The following HECW1 variants were observed in gnomAD, a reference collection of about 807,000 sequenced individuals.
HECW1 encodes HECT, C2 and WW domain containing E3 ubiquitin protein ligase 1.
HECW1 carries 61 observed loss-of-function variants against 182.3 expected under a neutral mutation model. That is an observed-to-expected ratio of 0.33 (90% CI 0.27 to 0.41). The LOEUF (loss-of-function observed/expected upper bound fraction) is 0.41, where lower values mean the gene tolerates loss of function less well. Ranked by LOEUF, HECW1 falls within the 10% of genes least tolerant of loss-of-function variation. The pLI is 1.00. For missense variants in HECW1, 1,739 were observed against 2,108.9 expected, an observed-to-expected ratio of 0.82 and a Z score of 3.44; for synonymous variants, 859 against 832.6, an observed-to-expected ratio of 1.03 and a Z score of -0.55.
At chr7:43,381,491 T>G (rs2074547390) in intron 6 of HECW1, among the ~76,000 whole-genome samples, 1 of 133,878 alleles carries the variant, frequency 7.5e-6, no homozygotes, top group African/African-American at 3.7e-5. Flanking sequence ...ATGGCTAATT[T>G]TTTTTTTTTT....
At chr7:43,242,807 T>C (rs1294284107) in intron 2 of HECW1, among the ~76,000 whole-genome samples, 2 of 152,156 alleles carry the variant, frequency 1.3e-5, no homozygotes, top group East Asian at 3.9e-4. Context: ...AGCCAGTGGC[T>C]GTGGCAGGGA....
intron 2 of HECW1, among the ~76,000 whole-genome samples, chr7:43,161,179 C>T (rs1379427410): frequency 6.6e-6 from 1 of 152,012 alleles, no homozygotes; most frequent in Non-Finnish European, 1.5e-5. Context: ...ATTAGTGTCA[C>T]TTTTTCAAGA....
chr7:43,228,810 T>G (rs976019752), intron 2 of HECW1, among the ~76,000 whole-genome samples: 2 of 152,222 alleles, frequency 1.3e-5, no homozygotes, highest in Non-Finnish European at 2.9e-5. Context: ...CCATTAAAAT[T>G]TATGAAACTA....
At chr7:43,556,951 C>T (rs960687908) in intron 29 of HECW1, among the ~76,000 whole-genome samples, 6 of 152,012 alleles carry the variant, frequency 3.9e-5, no homozygotes, top group South Asian at 4.2e-4. Context: ...CACAAGCCCC[C>T]GAGATGGTTT....
At chr7:43,334,286 A>G (rs1811852849) in intron 5 of HECW1, among the ~76,000 whole-genome samples, 1 of 152,210 alleles carries the variant, frequency 6.6e-6, no homozygotes, top group Admixed American at 6.5e-5. Context: ...CTGCAAGGCC[A>G]TTGTCAAATG....
chr7:43,429,185 G>C (rs2076452428), intron 8 of HECW1, among the ~76,000 whole-genome samples: 1 of 149,116 alleles, frequency 6.7e-6, no homozygotes, highest in East Asian at 2.0e-4. Context: ...TGTGGCTGAG[G>C]ATTCTCATAT....
chr7:43,465,083 C>G (rs11971577), intron 14 of HECW1, among the ~76,000 whole-genome samples: 1,639 of 152,180 alleles, frequency 0.011, 32 homozygotes, highest in African/African-American at 0.038. Context: ...ATTACAGGCA[C>G]GAGACATCAC....
At chr7:43,383,312 T>C (rs1413059041) in intron 6 of HECW1, among the ~76,000 whole-genome samples, 3 of 152,240 alleles carry the variant, frequency 2.0e-5, no homozygotes, top group African/African-American at 2.4e-5. Context: ...ATGGGATTGC[T>C]GAGTCAAATG....
intron 5 of HECW1, among the ~76,000 whole-genome samples, chr7:43,343,442 G>A (rs1032180731): frequency 3.3e-5 from 5 of 151,010 alleles, no homozygotes; most frequent in Admixed American, 6.6e-5. Context: ...TATGACAGAC[G>A]TGTGTGATAT....
intron 29 of HECW1, among the ~76,000 whole-genome samples, chr7:43,559,917 G>A (rs901439073): frequency 5.9e-5 from 9 of 152,180 alleles, no homozygotes. Flanking sequence ...TGAGTGTTCA[G>A]ACTAGGTGCT....
chr7:43,311,554 C>CTT (rs1436844016), intron 3 of HECW1: 1 of 748,230 alleles, frequency 1.3e-6, no homozygotes. Flanking sequence ...CCCTGGTGCA[C>CTT]TTGTGTTTTT....
intron 2 of HECW1, among the ~76,000 whole-genome samples, chr7:43,141,527 T>G (rs1193337874): frequency 2.6e-5 from 4 of 152,164 alleles, no homozygotes; most frequent in Admixed American, 2.6e-4. Context: ...TAAACAGAGT[T>G]TCGCTGTTGT....
At chr7:43,300,399 G>A (rs1297673333) in intron 3 of HECW1, among the ~76,000 whole-genome samples, 2 of 152,196 alleles carry the variant, frequency 1.3e-5, no homozygotes, top group Admixed American at 6.5e-5. Context: ...AAGGAACCTG[G>A]GAAGGAACGT....
chr7:43,391,222 A>G (rs1385674658), intron 6 of HECW1, among the ~76,000 whole-genome samples: 1 of 152,242 alleles, frequency 6.6e-6, no homozygotes, highest in African/African-American at 2.4e-5. Context: ...ACACGTAGAC[A>G]TATAGCTTAG....
chr7:43,224,674 C>A (rs1797270054), intron 2 of HECW1, among the ~76,000 whole-genome samples: 1 of 152,124 alleles, frequency 6.6e-6, no homozygotes, highest in South Asian at 2.1e-4. Flanking sequence ...AAAAAGCCGG[C>A]CATGGTGGCA....
intron 5 of HECW1, among the ~76,000 whole-genome samples, chr7:43,336,129 TCTCTCTC>T (rs1812196274): frequency 2.1e-5 from 2 of 93,256 alleles, no homozygotes; most frequent in African/African-American, 1.0e-4. Flanking sequence ...TTTCTTTCTC[TCTCTCTC>T]TCTCTCTTTC....
At chr7:43,129,502 T>C (rs574847880) in intron 2 of HECW1, among the ~76,000 whole-genome samples, 217 of 152,358 alleles carry the variant, frequency 1.4e-3, no homozygotes, top group Middle Eastern at 3.4e-3. Flanking sequence ...ATAACTTTTA[T>C]GTGCACCAGA....
At chr7:43,230,961 C>T (rs887586231) in intron 2 of HECW1, among the ~76,000 whole-genome samples, 5 of 152,212 alleles carry the variant, frequency 3.3e-5, no homozygotes, top group Admixed American at 6.5e-5. Context: ...CAGGGCCCTC[C>T]AGCTCCTGAG....
chr7:43,260,580 A>C (rs1801069164), intron 3 of HECW1, among the ~76,000 whole-genome samples: 1 of 152,242 alleles, frequency 6.6e-6, no homozygotes, highest in Admixed American at 6.5e-5. Context: ...TAAAGTAGAG[A>C]GGCACCAGAG....
Sources: allele counts gnomAD v4.1 joint callset (sites outside exome capture counted in the v4.1 genomes callset), GRCh38; gene constraint gnomAD v4.1.1; transcripts MANE v1.5; gene names NCBI Gene and HGNC (gene_info 2026-07-23, HGNC 2026-07-21).